CEP295: variants seen among roughly 807,000 people sequenced by gnomAD.
The protein encoded by CEP295 is centrosomal protein 295, also known as centrosomal protein of 295 kDa.
In CEP295, 190 loss-of-function variants were observed where a neutral mutation model predicts 291.6. That is an observed-to-expected ratio of 0.65 (90% CI 0.58 to 0.73). The LOEUF (loss-of-function observed/expected upper bound fraction) is 0.73, where lower values mean the gene tolerates loss of function less well. CEP295 is among the 30% of genes least tolerant of loss of function. The pLI, the probability that CEP295 is intolerant of heterozygous loss-of-function variation, is 0.00. For missense variants in CEP295, 2,863 were observed against 2,949.4 expected, an observed-to-expected ratio of 0.97 and a Z score of 0.68; for synonymous variants, 993 against 1,038.8, an observed-to-expected ratio of 0.96 and a Z score of 0.85.
At position 93,697,488 on chromosome 11, in the gene CEP295, A is replaced by G. The variant is rs910153286; in HGVS notation, c.2576A>G (p.Lys859Arg). 17 of 1,551,876 alleles carry G rather than the reference A, an allele frequency of 1.1e-5. No individual in the cohort carries two copies. The East Asian group carries it at 3.9e-4, about 36-fold the overall frequency. Residue 859 changes from lysine to arginine, a missense_variant, in exon 15 of 30, where the codon AAA (lysine) becomes AGA (arginine). Physicochemically the swap from Lys to Arg is conservative, Grantham distance 26. Coordinates refer to ENST00000325212, the MANE Select transcript of CEP295 (RefSeq NM_033395.2). ...CAAGAACAGTTAGACCTACAGAAGA[A>G]AGTTCTTCAGGCAACTCAGGAAGCT... ...ALQEQLDLQK[K>R]VLQATQEAQE...
intron 17 of CEP295, among the ~76,000 whole-genome samples, chr11:93,703,708 G>T (rs796257681): frequency 1.4e-5 from 2 of 146,896 alleles, no homozygotes; most frequent in Admixed American, 1.4e-4. Context: ...TTTATTCACT[G>T]TACTACTTTC....
rs1346562112 is a variant in CEP295 at position 93,697,600 on chromosome 11, A to T, written c.2688A>T (p.Ser896=). 3 of 1,551,732 alleles carry T rather than the reference A, an allele frequency of 1.9e-6. No homozygotes were observed. The highest frequency in any genetic ancestry group is 2.6e-6 in the Non-Finnish European group (3 of 1,147,020). ...SVFLPLVTPD[S]SALLPSAKAD... is the part of the protein sequence containing the mutation. ...TCCTTCCCTTGGTAACTCCAGATTC[A>T]TCTGCTTTATTGCCTTCTGCCAAAG... Residue 896 remains serine, a synonymous_variant, in exon 15 of 30, where the codon TCA becomes TCT. Transcript: ENST00000325212.
chr11:93,691,848 ATATAT>A, intron 11 of CEP295, 73 bp downstream of exon 11: 1 of 1,281,442 alleles, frequency 7.8e-7, no homozygotes, highest in Non-Finnish European at 1.1e-6. Context: ...ATTACATGTG[ATATAT>A]TAAGAAAGGG....
intron 18 of CEP295, among the ~76,000 whole-genome samples, chr11:93,712,721 T>C (rs1387030786): frequency 2.0e-5 from 3 of 152,190 alleles, no homozygotes; most frequent in Non-Finnish European, 4.4e-5. Flanking sequence ...TCAGCCACAC[T>C]ATGTCTTTTG....
rs1032908443 is a variant in CEP295 at position 93,661,767 on chromosome 11, G to C, written c.-34G>C. 7.9e-5 allele frequency: 12 copies of C among 152,810 alleles called. No homozygotes were observed. The highest frequency in any genetic ancestry group is 2.7e-4 in the African/African-American group (11 of 41,474). 9.5% of individuals were successfully genotyped at this position (152,810 alleles called of 1,614,324 possible). A position where few individuals can be genotyped will look rare whatever the true frequency, so the allele number is the denominator to read the frequency against. ...TGCGGTTACTGTGTCCAGGCCCCGG[G>C]TTCTCAGGTGAGTCAGGGATGCACT... On this transcript the variant is annotated 5_prime_UTR_variant, in exon 1 of 30. Transcript: ENST00000325212.
At position 93,702,823 on chromosome 11, in the gene CEP295, G is replaced by A. The variant is rs1419813639; in HGVS notation, c.5500G>A (p.Val1834Ile). The change falls in exon 17 of 30, where the codon GTA (valine) becomes ATA (isoleucine). Residue 1834 changes from valine (V) to isoleucine (I), a missense_variant. Transcript: ENST00000325212. ...GGGGAGAAGATCCTCAAAGCCACCT[G>A]TAGCAAAAGTCAAATGTGGTTTGGA... ...DLGRRSSKPP[V>I]AKVKCGLDLN... The A allele has an allele frequency of 1.3e-6, 2 of 1,551,770 alleles. No homozygotes were observed. The highest frequency in any genetic ancestry group is 1.7e-6 in the Non-Finnish European group (2 of 1,146,974).
chr11:93,713,765 C>CTT (rs1953063988), intron 18 of CEP295, among the ~76,000 whole-genome samples: 1 of 152,186 alleles, frequency 6.6e-6, no homozygotes, highest in Non-Finnish European at 1.5e-5. Context: ...CCCTGTCTCT[C>CTT]TACCTTCTCT....
intron 6 of CEP295, among the ~76,000 whole-genome samples, chr11:93,678,255 A>G (rs1056831655): frequency 1.3e-5 from 2 of 152,194 alleles, no homozygotes; most frequent in Non-Finnish European, 2.9e-5. Flanking sequence ...CAGAGGTTAT[A>G]TTATTTAATA....
chr11:93,723,428 A>G (rs531491181), intron 21 of CEP295, 139 bp downstream of exon 21: 1 of 638,480 alleles, frequency 1.6e-6, no homozygotes, highest in African/African-American at 1.8e-5. Flanking sequence ...CACAGAATAT[A>G]TTGAGGGCAT....
In CEP295 at chr11:93,727,083, C is replaced by CAAGG; in HGVS notation, c.6608_6611dup (p.Met2205ArgfsTer10). ...TAGCATTGAAGCAAGAGATTCTTCC[C>CAAGG]AAGGCATGAAAAATCAGAACTATCC... is the stretch of plus-strand genomic sequence containing the variant. On this transcript the variant is annotated frameshift_variant, in exon 24 of 30. Coordinates refer to ENST00000325212, the MANE Select transcript of CEP295 (RefSeq NM_033395.2). LOFTEE classifies it high-confidence loss of function. 8 of 1,551,350 alleles carry CAAGG rather than the reference C, an allele frequency of 5.2e-6. No individual in the cohort carries two copies. Among genetic ancestry groups the CAAGG allele is most frequent in the Non-Finnish European group, 7.0e-6 (8 of 1,146,668 alleles).
Position 93,697,751 on chromosome 11 carries a change from C to T in CEP295, c.2839C>T (p.Gln947Ter), listed in dbSNP as rs1452216714. The T allele has an allele frequency of 1.1e-5, 17 of 1,551,538 alleles. No individual in the cohort carries two copies. Among genetic ancestry groups the T allele is most frequent in the Non-Finnish European group, 1.5e-5 (17 of 1,146,986 alleles). Residue 947 changes from glutamine to a stop codon, truncating the protein, a stop_gained, in exon 15 of 30, where the codon CAA becomes TAA. Coordinates refer to ENST00000325212, the MANE Select transcript of CEP295 (RefSeq NM_033395.2). LOFTEE classifies it high-confidence loss of function. The stretch of plus-strand genomic sequence containing the variant: ...TCTTTCACAGCCTATCCTATCACAG[C>T]AAAATAATTTTAAATTTCTCCAAGA... The part of the protein sequence containing the change: ...LSLSQPILSQ[Q>*]NNFKFLQEQL...
Position 93,699,633 on chromosome 11 carries a change from C to T in CEP295, c.4721C>T (p.Thr1574Ile). ...TCTTTCCCAACCAAAAGTAATGATA[C>T]TCTTCCCTCAAGTCATCGTGAGATT... ...QKSFPTKSND[T>I]LPSSHREIPR... The change falls in exon 15 of 30, where the codon ACT (threonine) becomes ATT (isoleucine). Residue 1574 changes from threonine (T) to isoleucine (I), a missense_variant. Transcript: ENST00000325212. 6.4e-7 allele frequency: 1 copy of T among 1,551,734 alleles called. No individual in the cohort carries two copies.
At chr11:93,681,688 A>G (rs937668692) in intron 7 of CEP295, among the ~76,000 whole-genome samples, 2 of 151,826 alleles carry the variant, frequency 1.3e-5, no homozygotes, top group African/African-American at 4.8e-5. Context: ...TGCTGGGATT[A>G]CAGGCGTGAG....
intron 1 of CEP295, among the ~76,000 whole-genome samples, chr11:93,665,114 G>A (rs1950147920): frequency 1.3e-5 from 2 of 152,194 alleles, no homozygotes; most frequent in Admixed American, 1.3e-4. Flanking sequence ...GCTTAAGCCA[G>A]CTTTAGAAAG....
intron 23 of CEP295, among the ~76,000 whole-genome samples, chr11:93,726,453 G>A (rs913076375): frequency 1.3e-5 from 2 of 152,192 alleles, no homozygotes; most frequent in African/African-American, 4.8e-5. Context: ...ATTCTTCTTA[G>A]GCCAAGTATA....
chr11:93,678,701 G>A (rs560268765), intron 6 of CEP295, among the ~76,000 whole-genome samples: 1 of 152,238 alleles, frequency 6.6e-6, no homozygotes, highest in South Asian at 2.1e-4. Flanking sequence ...GCCGAGATGG[G>A]AGGATTGCTT....
At chr11:93,687,303 C>A (rs775363423) in intron 9 of CEP295, among the ~76,000 whole-genome samples, 5 of 152,146 alleles carry the variant, frequency 3.3e-5, no homozygotes, top group Non-Finnish European at 5.9e-5. Flanking sequence ...ACTAATCTTA[C>A]CAGCAAATTA....
rs1369599442 is a variant in CEP295, at chr11:93,684,025, G to A, written c.1011G>A (p.Gln337=). 11 of 1,551,728 alleles carry A rather than the reference G, an allele frequency of 7.1e-6. No homozygotes were observed. In the African/African-American group the frequency reaches 9.6e-5, roughly 14 times the overall value. The change falls in exon 9 of 30, where the codon CAG becomes CAA. Residue 337 remains glutamine (Q), a synonymous_variant. Coordinates refer to ENST00000325212, the MANE Select transcript of CEP295 (RefSeq NM_033395.2). ...EPEPLPTVTN[Q]IQDEELDLSM... ...AGCCCTTGCCCACTGTGACTAATCAGATCCAAGATGAAGAGCTGGACCTTT... is the reference window on the plus strand; with the variant it reads ...AGCCCTTGCCCACTGTGACTAATCAAATCCAAGATGAAGAGCTGGACCTTT...
rs1426890081 is a variant in CEP295 at position 93,683,549 on chromosome 11, A to G, written c.766-10A>G. 26 of 1,492,780 alleles carry G rather than the reference A, an allele frequency of 1.7e-5. No homozygotes were observed. The highest frequency in any genetic ancestry group is 4.3e-5 in the African/African-American group (3 of 69,304). 92.5% of individuals were successfully genotyped at this position (1,492,780 alleles called of 1,614,324 possible). On this transcript the variant is annotated splice_polypyrimidine_tract_variant and intron_variant, in intron 7 of 29. Transcript: ENST00000325212. ...GACTCAGTTTTTGTTAATTCTCTTT[A>G]TTCTTGAAGAATCAGGAGAAACTAA... is the stretch of plus-strand genomic sequence containing the variant.
Sources: allele counts gnomAD v4.1 joint callset (sites outside exome capture counted in the v4.1 genomes callset), GRCh38; gene constraint gnomAD v4.1.1; transcripts MANE v1.5; gene names NCBI Gene and HGNC (gene_info 2026-07-23, HGNC 2026-07-21).